The following RGSL1 variants were observed in gnomAD, a reference collection of about 807,000 sequenced individuals.
RGSL1 encodes the protein regulator of G protein signaling like 1.
A neutral mutation model predicts 124.7 loss-of-function variants in RGSL1; 97 were observed. The observed-to-expected ratio is 0.78, with a 90% CI of 0.66 to 0.92. The LOEUF is 0.92. Ranked by LOEUF, RGSL1 falls within the 40% of genes least tolerant of loss-of-function variation. The probability of loss-of-function intolerance (pLI) is 0.00; values close to 1 mark genes in which losing one functional copy is unlikely to be tolerated. For missense variants in RGSL1, 1,233 were observed against 1,288.4 expected (o/e 0.96, Z 0.66); for synonymous variants, 424 against 438.1 (o/e 0.97, Z 0.40).
Position 182,501,322 on chromosome 1 carries a change from T to C in RGSL1, c.1825+8193T>C, listed in dbSNP as rs1321749350. 3.5e-5 allele frequency among the ~76,000 whole-genome samples: 4 copies of C among 114,098 alleles called. No individual in the cohort carries two copies. The East Asian group carries it at 9.6e-4, about 27-fold the overall frequency. The allele number at this position is 114,098 out of a possible 152,430, so 74.9% of individuals were successfully genotyped here. A position where few individuals can be genotyped will look rare whatever the true frequency, so the allele number is the denominator to read the frequency against. ...TTTTTCTTTTCTTTTTTTTTTTTTT[T>C]TTTTTTTTTTTTTTTGAGACAGAGT... On this transcript the variant is annotated intron_variant, in intron 9 of 21. Coordinates refer to ENST00000294854, the MANE Select transcript of RGSL1 (RefSeq NM_001137669.2).
At chr1:182,520,423 G>A (rs1269033703) in intron 9 of RGSL1, among the ~76,000 whole-genome samples, 2 of 152,086 alleles carry the variant, frequency 1.3e-5, no homozygotes, top group Non-Finnish European at 2.9e-5. Flanking sequence ...AATGTCTTAA[G>A]AATAAAAGCA....
At chr1:182,448,518 C>T (rs1178853936), upstream of RGSL1, among the ~76,000 whole-genome samples, 1 of 152,172 alleles carries the variant, frequency 6.6e-6, no homozygotes, top group Non-Finnish European at 1.5e-5. Context: ...GCCACTGCAT[C>T]TGGCCCCAAT....
chr1:182,535,603 G>A (rs948934319), intron 14 of RGSL1, among the ~76,000 whole-genome samples: 5 of 151,934 alleles, frequency 3.3e-5, no homozygotes, highest in Admixed American at 1.3e-4. Flanking sequence ...TTACTCAATC[G>A]GCACCAAATA....
intron 4 of RGSL1, 27 bp downstream of exon 4, chr1:182,460,160 CTGTG>C (rs10572829): frequency 0.026 from 34,191 of 1,317,154 alleles, 26 homozygotes; most frequent in East Asian, 0.073. Context: ...ATGCGTGTGT[CTGTG>C]TGTGTGTGTG....
chr1:182,496,448 T>C (rs986054333), intron 9 of RGSL1, among the ~76,000 whole-genome samples: 3 of 152,198 alleles, frequency 2.0e-5, no homozygotes, highest in African/African-American at 7.2e-5. Context: ...TACTTTACCA[T>C]AGCTCAATAG....
intron 21 of RGSL1, among the ~76,000 whole-genome samples, chr1:182,559,483 G>T (rs532685680): frequency 1.3e-5 from 2 of 152,080 alleles, no homozygotes; most frequent in Non-Finnish European, 2.9e-5. Flanking sequence ...CTTTTGTCGG[G>T]CCCTTGTCCC....
At chr1:182,527,847 C>A in intron 11 of RGSL1, 75 bp downstream of exon 11, 1 of 1,256,128 alleles carries the variant, frequency 8.0e-7, no homozygotes, top group Non-Finnish European at 1.1e-6. Flanking sequence ...AATAGCCTAC[C>A]TCATGTGAGC....
At chr1:182,481,742 C>A (rs183374702) in intron 6 of RGSL1, among the ~76,000 whole-genome samples, 4 of 125,426 alleles carry the variant, frequency 3.2e-5, no homozygotes, top group African/African-American at 1.4e-4. Context: ...CAGCACTTTG[C>A]GAGGCTGAAG....
At chr1:182,504,300 CT>C (rs1157987145) in intron 9 of RGSL1, among the ~76,000 whole-genome samples, 1 of 151,800 alleles carries the variant, frequency 6.6e-6, no homozygotes, top group East Asian at 1.9e-4. Context: ...TTTATTGGTA[CT>C]CTCTTTCGGT....
In RGSL1 at chr1:182,453,955, T is replaced by C. The variant is rs749310786; in HGVS notation, c.14-3T>C. ...GTTTTTTTATTTCTCTCTCTCCATA[T>C]AGAGATAATTGGTTCTACAAATCTT... On this transcript the variant is annotated splice_polypyrimidine_tract_variant and splice_region_variant and intron_variant, in intron 1 of 21. Coordinates refer to ENST00000294854, the MANE Select transcript of RGSL1 (RefSeq NM_001137669.2). The C allele has an allele frequency of 5.5e-5, 79 of 1,445,164 alleles. No individual in the cohort carries two copies. Among genetic ancestry groups the C allele is most frequent in the Middle Eastern group, 1.7e-4 (1 of 5,806 alleles). 89.5% of individuals were successfully genotyped at this position (1,445,164 alleles called of 1,614,324 possible).
rs266533 is a variant in RGSL1, at chr1:182,532,374, G to A, written c.2365-288G>A. The stretch of plus-strand genomic sequence containing the variant: ...CTCTCATGCTCCCTCTCCCAATCAC[G>A]GCATCTCACATCTTCACTGTTGAAA... On this transcript the variant is annotated intron_variant, in intron 13 of 21. Coordinates refer to ENST00000294854, the MANE Select transcript of RGSL1 (RefSeq NM_001137669.2). Among the ~76,000 whole-genome samples, 91,273 of 151,924 alleles carry A rather than the reference G, an allele frequency of 0.6. 28,331 individuals are homozygous for A. Among genetic ancestry groups the A allele is most frequent in the Non-Finnish European group, 0.68 (46,444 of 67,972 alleles).
At chr1:182,507,820 A>G (rs1656937948) in intron 9 of RGSL1, among the ~76,000 whole-genome samples, 2 of 152,018 alleles carry the variant, frequency 1.3e-5, no homozygotes, top group African/African-American at 4.8e-5. Context: ...CTTCCACCTC[A>G]GCCTCCTCAA....
chr1:182,472,699 C>A, intron 5 of RGSL1, 142 bp downstream of exon 5: 1 of 808,132 alleles, frequency 1.2e-6, no homozygotes, highest in Non-Finnish European at 1.8e-6. Context: ...GCAACCCCAA[C>A]CCTTAACCAG....
intron 4 of RGSL1, among the ~76,000 whole-genome samples, chr1:182,469,577 A>T (rs116088948): frequency 0.018 from 2,797 of 152,286 alleles, 94 homozygotes; most frequent in African/African-American, 0.064. Context: ...AATGGTACAA[A>T]CTGTGGAAAA....
chr1:182,503,400 G>T (rs1017045675), intron 9 of RGSL1, among the ~76,000 whole-genome samples: 6 of 152,154 alleles, frequency 3.9e-5, no homozygotes, highest in African/African-American at 9.7e-5. Flanking sequence ...GCCATAAAAA[G>T]AATGAGATTC....
In RGSL1 at chr1:182,540,324, G is replaced by A. The variant is rs1046395667; in HGVS notation, c.2572G>A (p.Gly858Arg). 4 of 1,551,492 alleles carry A rather than the reference G, an allele frequency of 2.6e-6. No homozygotes were observed. Among genetic ancestry groups the A allele is most frequent in the Non-Finnish European group, 3.5e-6 (4 of 1,146,800 alleles). ...TGTCCGGAGTGCAGACCAAGAGAATGGAGAAATAACCCTTGTAAAGCGTCG... is the reference window on the plus strand; with the variant it reads ...TGTCCGGAGTGCAGACCAAGAGAATAGAGAAATAACCCTTGTAAAGCGTCG... ...TNVRSADQEN[G>R]EITLVKRRIF... is the part of the protein sequence containing the mutation. The change falls in exon 15 of 22, where the codon GGA becomes AGA. Residue 858 changes from glycine to arginine, a missense_variant. Physicochemically the swap from Gly to Arg is moderately radical, Grantham distance 125. Transcript: ENST00000294854.
intron 4 of RGSL1, among the ~76,000 whole-genome samples, chr1:182,466,530 G>C (rs1484998325): frequency 6.6e-6 from 1 of 152,004 alleles, no homozygotes; most frequent in Non-Finnish European, 1.5e-5. Flanking sequence ...ACTTCCATAC[G>C]CTTACAATGA....
chr1:182,537,604 G>C (rs1294550446), intron 14 of RGSL1, among the ~76,000 whole-genome samples: 1 of 152,022 alleles, frequency 6.6e-6, no homozygotes, highest in Non-Finnish European at 1.5e-5. Context: ...TATTCTTTTG[G>C]ATCTTCTTTT....
In RGSL1 at chr1:182,488,582, C is replaced by T. The variant is rs369966527; in HGVS notation, c.1494+235C>T. 3.0e-3 allele frequency: 1,392 copies of T among 466,462 alleles called. 17 individuals are homozygous for T. Among genetic ancestry groups the T allele is most frequent in the African/African-American group, 0.025 (1,254 of 50,250 alleles). The allele number at this position is 466,462 out of a possible 1,614,324, so 28.9% of individuals were successfully genotyped here. A position where few individuals can be genotyped will look rare whatever the true frequency, so the allele number is the denominator to read the frequency against. On this transcript the variant is annotated intron_variant, in intron 7 of 21. Coordinates refer to ENST00000294854, the MANE Select transcript of RGSL1 (RefSeq NM_001137669.2). ...TCTACTAAAAATACAAAAAATTAGC[C>T]GGGCGTAGTGGCGGGCGCCTGTAGT...
Sources: allele counts gnomAD v4.1 joint callset (sites outside exome capture counted in the v4.1 genomes callset), GRCh38; gene constraint gnomAD v4.1.1; transcripts MANE v1.5; gene names NCBI Gene and HGNC (gene_info 2026-07-23, HGNC 2026-07-21).